The following IGF1R variants were observed in gnomAD, a reference collection of about 807,000 sequenced individuals.
IGF1R encodes insulin like growth factor 1 receptor.
Under a neutral mutation model 144.6 loss-of-function variants are expected in IGF1R, and 44 were observed. The ratio of observed to expected loss-of-function variants is 0.30; its 90% CI spans 0.24 to 0.39. IGF1R has a LOEUF of 0.39. Ranked by LOEUF, IGF1R falls within the 10% of genes least tolerant of loss-of-function variation. IGF1R has a pLI of 1.00. For synonymous variants in IGF1R, 795 were observed against 722.8 expected (o/e 1.10, Z -1.60); for missense variants, 1,355 against 1,833.7 (o/e 0.74, Z 4.77).
chr15:98,908,801 G>A lies in IGF1R; in HGVS notation c.1364G>A (p.Cys455Tyr). ...TACTTTGCTTTCAATCCCAAATTAT[G>A]TGTTTCCGAAATTTACCGCATGGAG... ...KMYFAFNPKL[C>Y]VSEIYRMEEV... The change falls in exon 6 of 21, where the codon TGT becomes TAT. Residue 455 changes from cysteine (C) to tyrosine (Y), a missense_variant. Around this residue, in one of 7 missense-constraint regions of IGF1R, gnomAD observed 880 missense variants for 1,202.7 expected, o/e 0.73. Coordinates refer to ENST00000650285, the MANE Select transcript of IGF1R (RefSeq NM_000875.5). The A allele has an allele frequency of 6.2e-7, 1 of 1,614,180 alleles. No individual in the cohort carries two copies. Among genetic ancestry groups the A allele is most frequent in the Non-Finnish European group, 8.5e-7 (1 of 1,180,008 alleles).
At chr15:98,799,768 G>A (rs1339316817) in intron 2 of IGF1R, among the ~76,000 whole-genome samples, 2 of 152,066 alleles carry the variant, frequency 1.3e-5, no homozygotes, top group African/African-American at 4.8e-5. Context: ...GTTAAATTTG[G>A]TATTTTCTAG....
chr15:98,814,001 G>GT (rs1164048083), intron 2 of IGF1R, among the ~76,000 whole-genome samples: 3 of 152,196 alleles, frequency 2.0e-5, no homozygotes, highest in African/African-American at 7.2e-5. Flanking sequence ...CTCAGTTCAT[G>GT]TTTTTTACTT....
At chr15:98,675,048 G>A (rs2053000390) in intron 1 of IGF1R, among the ~76,000 whole-genome samples, 4 of 144,458 alleles carry the variant, frequency 2.8e-5, no homozygotes, top group Admixed American at 1.4e-4. Flanking sequence ...GACTGCAGTG[G>A]TGCAATCTCA....
At chr15:98,679,167 A>G (rs937872565) in intron 1 of IGF1R, among the ~76,000 whole-genome samples, 1 of 151,650 alleles carries the variant, frequency 6.6e-6, no homozygotes, top group Non-Finnish European at 1.5e-5. Flanking sequence ...TGGCCTCCCA[A>G]AGTGTTGGGA....
At chr15:98,924,755 A>C (rs1233665882) in intron 13 of IGF1R, 71 bp downstream of exon 13, 1 of 1,326,442 alleles carries the variant, frequency 7.5e-7, no homozygotes, top group Non-Finnish European at 1.1e-6. Context: ...GGACAGCCCG[A>C]GTGTTCATGG....
chr15:98,809,880 G>A (rs1371625704), intron 2 of IGF1R, among the ~76,000 whole-genome samples: 1 of 152,122 alleles, frequency 6.6e-6, no homozygotes, highest in East Asian at 1.9e-4. Flanking sequence ...TAGAATGAAA[G>A]CCCACTCCCC....
In IGF1R at chr15:98,670,083, C is replaced by T. The variant is rs45571731; in HGVS notation, c.94+20408C>T. 4.5e-3 allele frequency among the ~76,000 whole-genome samples: 687 copies of T among 152,192 alleles called. 6 individuals carry two copies. The highest frequency in any genetic ancestry group is 0.016 in the African/African-American group (667 of 41,516). ...GACAAATTTGGAGTGTTTGGATGTT[C>T]GGGGACCTGCAGGAGGTATGTGAGG... On this transcript the variant is annotated intron_variant, in intron 1 of 20. Transcript: ENST00000650285.
rs574829056 is a variant in IGF1R, at chr15:98,757,786, T to G, written c.640+49679T>G. Among the ~76,000 whole-genome samples the G allele has an allele frequency of 3.9e-5, 6 of 152,358 alleles. No individual in the cohort carries two copies. In the East Asian group the frequency reaches 9.6e-4, roughly 24 times the overall value. ...CTAATAGGGACGTTCTGCCTTGTCT[T>G]TCTTTACTGTGATAATGCATACATT... is the stretch of plus-strand genomic sequence containing the variant. On this transcript the variant is annotated intron_variant, in intron 2 of 20. Transcript: ENST00000650285.
chr15:98,760,288 G>A lies in IGF1R; in HGVS notation c.640+52181G>A, dbSNP rs188590787. On this transcript the variant is annotated intron_variant, in intron 2 of 20. Transcript: ENST00000650285. ...AATGGCTTGAACCTGGGATGCGGAG[G>A]TCATAGTGAGCCAAGACTGTGTCAT... Among the ~76,000 whole-genome samples the A allele has an allele frequency of 6.6e-5, 10 of 151,858 alleles. No individual in the cohort carries two copies. The East Asian group carries it at 1.9e-3, about 30-fold the overall frequency.
At chr15:98,734,133 T>C (rs2054558915) in intron 2 of IGF1R, among the ~76,000 whole-genome samples, 1 of 152,222 alleles carries the variant, frequency 6.6e-6, no homozygotes, top group Non-Finnish European at 1.5e-5. Flanking sequence ...AAATTGTTGT[T>C]GCACTGTAAT....
intron 5 of IGF1R, among the ~76,000 whole-genome samples, chr15:98,906,737 GC>G (rs1232128521): frequency 1.3e-5 from 2 of 152,240 alleles, no homozygotes; most frequent in African/African-American, 4.8e-5. Context: ...TCAGGAGGGA[GC>G]CCTTACTGAA....
At chr15:98,767,314 A>T (rs191809511) in intron 2 of IGF1R, among the ~76,000 whole-genome samples, 1 of 152,144 alleles carries the variant, frequency 6.6e-6, no homozygotes, top group African/African-American at 2.4e-5. Context: ...TTTTCCAGGC[A>T]GGCTCTCATT....
At chr15:98,650,068 C>T (rs891114128) in intron 1 of IGF1R, among the ~76,000 whole-genome samples, 4 of 146,698 alleles carry the variant, frequency 2.7e-5, no homozygotes, top group East Asian at 1.9e-4. Flanking sequence ...GCACACAGCG[C>T]TGATCCCCTG....
intron 2 of IGF1R, among the ~76,000 whole-genome samples, chr15:98,765,178 A>G (rs564093121): frequency 6.6e-6 from 1 of 152,100 alleles, no homozygotes; most frequent in Non-Finnish European, 1.5e-5. Context: ...AGTCCATTGT[A>G]TCCAGTTGTA....
intron 2 of IGF1R, among the ~76,000 whole-genome samples, chr15:98,875,744 C>T (rs2141616621): frequency 6.6e-6 from 1 of 152,208 alleles, no homozygotes; most frequent in South Asian, 2.1e-4. Flanking sequence ...AAAGATGAGG[C>T]TGTGGGGTTG....
chr15:98,728,278 G>A (rs996740895), intron 2 of IGF1R, among the ~76,000 whole-genome samples: 1 of 152,146 alleles, frequency 6.6e-6, no homozygotes, highest in Admixed American at 6.5e-5. Context: ...AGATCCCGGT[G>A]CCTGTCTGTG....
At chr15:98,831,174 A>G (rs2056994841) in intron 2 of IGF1R, among the ~76,000 whole-genome samples, 1 of 152,206 alleles carries the variant, frequency 6.6e-6, no homozygotes, top group Admixed American at 6.5e-5. Context: ...CAAACATTCA[A>G]ACTATATCTA....
chr15:98,744,355 C>G (rs922180818), intron 2 of IGF1R, among the ~76,000 whole-genome samples: 3 of 152,000 alleles, frequency 2.0e-5, no homozygotes, highest in Non-Finnish European at 2.9e-5. Flanking sequence ...AAATGAAGAC[C>G]TCCACTGGGT....
At chr15:98,725,459 C>A (rs2054336453) in intron 2 of IGF1R, among the ~76,000 whole-genome samples, 2 of 152,144 alleles carry the variant, frequency 1.3e-5, no homozygotes, top group African/African-American at 4.8e-5. Context: ...TGGAGGTTTG[C>A]AGATTTGAAC....
Sources: gnomAD v4.1 joint callset for allele counts (sites outside exome capture counted in the v4.1 genomes callset) on GRCh38, gnomAD v4.1.1 for gene constraint, gnomAD v4.1.1 regional missense constraint, MANE v1.5 for transcripts, NCBI Gene and HGNC (gene_info 2026-07-23, HGNC 2026-07-21) for gene names.